Variants in TTC21A observed in about 807,000 individuals in gnomAD.
TTC21A encodes the protein tetratricopeptide repeat protein 21A.
A neutral mutation model predicts 156.4 loss-of-function variants in TTC21A; 128 were observed. That is an observed-to-expected ratio of 0.82 (90% CI 0.71 to 0.95). TTC21A has a LOEUF of 0.95. Among genes scored for constraint, TTC21A ranks in the 40% least tolerant of loss-of-function variants. TTC21A has a pLI of 0.00. For synonymous variants in TTC21A, 587 were observed against 617.1 expected (o/e 0.95, Z 0.72); for missense variants, 1,435 against 1,602.3 (o/e 0.90, Z 1.78).
chr3:39,120,888 C>G (rs2037712442), intron 8 of TTC21A, 109 bp from the exon 9 acceptor site: 2 of 993,312 alleles, frequency 2.0e-6, no homozygotes, highest in African/African-American at 3.3e-5. Context: ...CTTGGCTCTC[C>G]TGGGCCTACC....
At chr3:39,138,655 G>A in intron 28 of TTC21A, 32 bp downstream of exon 28, 3 of 1,614,048 alleles carry the variant, frequency 1.9e-6, no homozygotes, top group African/African-American at 1.3e-5. Context: ...GGAGGGCCTG[G>A]TGTAGTGGTG....
At chr3:39,112,332 G>A (rs1367590668) in intron 4 of TTC21A, 126 bp from the exon 5 acceptor site, 3 of 917,788 alleles carry the variant, frequency 3.3e-6, no homozygotes, top group Non-Finnish European at 5.1e-6. Context: ...GGCTGCCCTG[G>A]GATCTGCACG....
intron 23 of TTC21A, 37 bp downstream of exon 23, chr3:39,136,544 G>T (rs1442580389): frequency 6.2e-7 from 1 of 1,602,996 alleles, no homozygotes; most frequent in African/African-American, 1.3e-5. Flanking sequence ...GCAGCTGTGT[G>T]CAGGAAGCCC....
At chr3:39,122,717 A>G (rs2037875159) in intron 9 of TTC21A, among the ~76,000 whole-genome samples, 1 of 152,226 alleles carries the variant, frequency 6.6e-6, no homozygotes, top group African/African-American at 2.4e-5. Context: ...AACCAGGGAC[A>G]TGAAGGACAA....
In TTC21A at chr3:39,129,237, G is replaced by C; in HGVS notation, c.2062G>C (p.Glu688Gln). ...NILPKQSCYM[E>Q]AREKMANIYL... ...CTTGCCCAAGCAGTCCTGCTATATG[G>C]AAGCCAGAGAGAAGATGGCCAACAT... The change falls in exon 15 of 29, where the codon GAA becomes CAA. Residue 688 changes from glutamate (E) to glutamine (Q), a missense_variant. By Grantham distance (29) the Glu-to-Gln change is conservative. Transcript: ENST00000683103. 6.2e-7 allele frequency: 1 copy of C among 1,614,234 alleles called. No homozygotes were observed. Among genetic ancestry groups the C allele is most frequent in the Non-Finnish European group, 8.5e-7 (1 of 1,180,042 alleles).
intron 11 of TTC21A, 45 bp from the exon 12 acceptor site, chr3:39,126,216 G>A (rs1305239662): frequency 1.9e-5 from 31 of 1,612,232 alleles, no homozygotes; most frequent in Non-Finnish European, 2.5e-5. Context: ...GTCTCTCTTA[G>A]AATAGGGCAA....
At position 39,133,048 on chromosome 3, in the gene TTC21A, C is replaced by G. The variant is rs374752502; in HGVS notation, c.2563-4C>G. 8.7e-6 allele frequency: 14 copies of G among 1,613,972 alleles called. No homozygotes were observed. The highest frequency in any genetic ancestry group is 1.2e-5 in the Non-Finnish European group (14 of 1,179,968). On this transcript the variant is annotated splice_region_variant and splice_polypyrimidine_tract_variant and intron_variant, in intron 19 of 28. Transcript: ENST00000683103. ...TCTGATCCTGGCTTGATTGGTTTCT[C>G]GAGGCCTTGGACCTCCAGTCTCGGA...
In TTC21A at chr3:39,125,077, C is replaced by CAT. The variant is rs762809494; in HGVS notation, c.1111_1112dup (p.Leu372SerfsTer2). 1 of 1,612,728 alleles carries CAT rather than the reference C, an allele frequency of 6.2e-7. No individual in the cohort carries two copies. The highest frequency in any genetic ancestry group is 1.7e-5 in the Admixed American group (1 of 60,016). ...CCCATTTACAGGGATCATCTTGTGT[C>CAT]ATATCTTAGAAGGCCACCTGGAGGA... On this transcript the variant is annotated frameshift_variant, in exon 10 of 29. Transcript: ENST00000683103. LOFTEE classifies it high-confidence loss of function.
At chr3:39,109,519 A>G (rs1370001679) in intron 2 of TTC21A, among the ~76,000 whole-genome samples, 1 of 152,184 alleles carries the variant, frequency 6.6e-6, no homozygotes, top group Non-Finnish European at 1.5e-5. Context: ...GAGAACTGGT[A>G]ATGCAGGCAA....
Position 39,130,992 on chromosome 3 carries a change from T to C in TTC21A, c.2459T>C (p.Val820Ala). 6.2e-7 allele frequency: 1 copy of C among 1,613,786 alleles called. No homozygotes were observed. Among genetic ancestry groups the C allele is most frequent in the Non-Finnish European group, 8.5e-7 (1 of 1,179,906 alleles). The part of the protein sequence containing the change: ...VLKQALEHDI[V>A]QDIPSMMNDV... ...ACTAATTTGAGTTTCCATTTAACAG[T>C]CCAAGACATCCCATCCATGATGAAT... is the stretch of plus-strand genomic sequence containing the variant. The change falls in exon 19 of 29, where the codon GTC becomes GCC. Residue 820 changes from valine (V) to alanine (A), a missense_variant and splice_region_variant. Val to Ala is a moderately conservative substitution (Grantham distance 64). Coordinates refer to ENST00000683103, the MANE Select transcript of TTC21A (RefSeq NM_001366900.1). This position sits in a 1 kb window ranked among gnomAD's most constrained non-coding sequence, Gnocchi z 4.5.
chr3:39,130,749 C>G lies in TTC21A; in HGVS notation c.2368C>G (p.Leu790Val). Residue 790 changes from leucine to valine, a missense_variant, in exon 18 of 29, where the codon CTG becomes GTG. Leu to Val is a conservative substitution (Grantham distance 32). Transcript: ENST00000683103. This position sits in a 1 kb window ranked among gnomAD's most constrained non-coding sequence, Gnocchi z 4.5. ...AAQKINGQDF[L>V]CCDLGKLLLK... is the part of the protein sequence containing the mutation. The stretch of plus-strand genomic sequence containing the variant: ...CCAGAAGATTAATGGACAGGACTTT[C>G]TGTGCTGCGATCTGGGCAAACTGCT... The G allele has an allele frequency of 6.2e-7, 1 of 1,614,228 alleles. No homozygotes were observed. Among genetic ancestry groups the G allele is most frequent in the Non-Finnish European group, 8.5e-7 (1 of 1,180,032 alleles).
At chr3:39,114,368 T>C (rs539178012) in intron 5 of TTC21A, among the ~76,000 whole-genome samples, 14 of 152,306 alleles carry the variant, frequency 9.2e-5, no homozygotes, top group African/African-American at 3.4e-4. Flanking sequence ...AAGCCCCTGC[T>C]CATCCTGTCC....
At position 39,131,102 on chromosome 3, in the gene TTC21A, G is replaced by T; in HGVS notation, c.2562+7G>T. On this transcript the variant is annotated splice_region_variant and intron_variant, in intron 19 of 28. Transcript: ENST00000683103. ...GATAGAAACTTTGAACAAGGTAATT[G>T]ACAGGTGGACTCAAGCTCTTTATCT... The T allele has an allele frequency of 6.2e-7, 1 of 1,600,786 alleles. No homozygotes were observed. Among genetic ancestry groups the T allele is most frequent in the South Asian group, 1.1e-5 (1 of 90,718 alleles).
In TTC21A at chr3:39,136,933, CT is replaced by C; in HGVS notation, c.3131del (p.Leu1044ArgfsTer23). Reference protein sequence around the residue: ...IGQPNEALKFLNKARKDSTWG... With the variant: ...IGQPNEALKFXNKARKDSTWG... ...GCAGCCCAACGAAGCCTTAAAGTTC[CT>C]GAACAAGGCACGCAAGGACAGCACT... On this transcript the variant is annotated frameshift_variant, in exon 24 of 29. Transcript: ENST00000683103. LOFTEE classifies it high-confidence loss of function. The C allele has an allele frequency of 6.2e-7, 1 of 1,614,250 alleles. No homozygotes were observed. The highest frequency in any genetic ancestry group is 8.5e-7 in the Non-Finnish European group (1 of 1,180,040).
intron 1 of TTC21A, among the ~76,000 whole-genome samples, chr3:39,108,564 G>GTCCAACC (rs1275921846): frequency 6.6e-6 from 1 of 152,188 alleles, no homozygotes; most frequent in Non-Finnish European, 1.5e-5. Context: ...GATGTTTACA[G>GTCCAACC]TCCAACCACA....
intron 9 of TTC21A, 31 bp downstream of exon 9, chr3:39,121,220 G>A: frequency 6.3e-7 from 1 of 1,584,212 alleles, no homozygotes; most frequent in Non-Finnish European, 8.6e-7. Flanking sequence ...GCTCAGGGAT[G>A]GGTGTCGGGA....
chr3:39,121,272 G>C (rs1030985632), intron 9 of TTC21A, 83 bp downstream of exon 9: 1 of 1,258,558 alleles, frequency 7.9e-7, no homozygotes, highest in African/African-American at 1.5e-5. Flanking sequence ...GAGAGGTGCT[G>C]GAAAGCATTC....
intron 4 of TTC21A, among the ~76,000 whole-genome samples, 181 bp downstream of exon 4, chr3:39,111,198 C>G (rs561737289): frequency 5.9e-5 from 9 of 152,324 alleles, no homozygotes; most frequent in African/African-American, 2.2e-4. Context: ...GCAGAGGTTA[C>G]ACATTGGCAT....
At chr3:39,118,357 T>C (rs532264689) in intron 7 of TTC21A, 78 of 604,320 alleles carry the variant, frequency 1.3e-4, no homozygotes, top group Admixed American at 8.5e-5. Flanking sequence ...TCAGGCAGCA[T>C]CAGGCAGTGA....
Sources: allele counts gnomAD v4.1 joint callset (sites outside exome capture counted in the v4.1 genomes callset), GRCh38; gene constraint gnomAD v4.1.1; non-coding constraint Gnocchi (gnomAD v3.1); transcripts MANE v1.5; gene names NCBI Gene and HGNC (gene_info 2026-07-23, HGNC 2026-07-21).